Variants in NPAS3 observed in about 807,000 individuals in gnomAD.
NPAS3 encodes the protein neuronal PAS domain-containing protein 3.
A neutral mutation model predicts 73.1 loss-of-function variants in NPAS3; 14 were observed. The observed-to-expected ratio is 0.19, with a 90% confidence interval of 0.13 to 0.30. The LOEUF (loss-of-function observed/expected upper bound fraction) is 0.30, where lower values mean the gene tolerates loss of function less well. Among genes scored for constraint, NPAS3 ranks in the 10% least tolerant of loss-of-function variants. NPAS3 has a pLI of 1.00. For missense variants in NPAS3, 1,096 were observed against 1,250.0 expected (o/e 0.88, Z 1.86); for synonymous variants, 620 against 541.5 (o/e 1.14, Z -2.01).
At chr14:33,065,761 G>A (rs2041256272) in intron 2 of NPAS3, among the ~76,000 whole-genome samples, 1 of 151,828 alleles carries the variant, frequency 6.6e-6, no homozygotes, top group Non-Finnish European at 1.5e-5. Context: ...TCTCTTACTA[G>A]CAATTCCCAT....
chr14:33,452,156 G>C (rs762365670), intron 4 of NPAS3, among the ~76,000 whole-genome samples: 1 of 152,160 alleles, frequency 6.6e-6, no homozygotes, highest in Non-Finnish European at 1.5e-5. Context: ...TTGTGAACAA[G>C]TGCATTCAGG....
At chr14:33,220,230 A>G (rs1462275512) in intron 3 of NPAS3, among the ~76,000 whole-genome samples, 1 of 152,120 alleles carries the variant, frequency 6.6e-6, no homozygotes, top group East Asian at 1.9e-4. Flanking sequence ...TCCTCAGCAG[A>G]CTGAGGAACA....
intron 3 of NPAS3, among the ~76,000 whole-genome samples, chr14:33,356,514 G>A (rs911805694): frequency 2.0e-5 from 3 of 152,206 alleles, no homozygotes; most frequent in Non-Finnish European, 4.4e-5. Flanking sequence ...CAGAATACAA[G>A]TATCTGACTT....
chr14:33,262,958 G>C (rs982877038), intron 3 of NPAS3, among the ~76,000 whole-genome samples: 1 of 151,958 alleles, frequency 6.6e-6, no homozygotes, highest in Non-Finnish European at 1.5e-5. Context: ...TTGCCCACTT[G>C]TTGATGGGGT....
chr14:33,453,143 C>G (rs1185142283), intron 4 of NPAS3, among the ~76,000 whole-genome samples: 1 of 152,174 alleles, frequency 6.6e-6, no homozygotes. Flanking sequence ...GTGCCGGCCT[C>G]ACCAAGCCCC....
At chr14:33,244,244 C>A (rs1051866522) in intron 3 of NPAS3, among the ~76,000 whole-genome samples, 1 of 151,844 alleles carries the variant, frequency 6.6e-6, no homozygotes, top group South Asian at 2.1e-4. Context: ...TACATGGAGA[C>A]TTATATCTTC....
At chr14:33,681,624 T>G (rs893621328) in intron 6 of NPAS3, among the ~76,000 whole-genome samples, 1 of 152,224 alleles carries the variant, frequency 6.6e-6, no homozygotes, top group Non-Finnish European at 1.5e-5. Context: ...ACATATAGAG[T>G]AGCAACTTTC....
chr14:33,785,486 A>G (rs185062198), intron 9 of NPAS3, among the ~76,000 whole-genome samples: 1 of 152,066 alleles, frequency 6.6e-6, no homozygotes, highest in African/African-American at 2.4e-5. Flanking sequence ...ATTTTCACCT[A>G]AATCAGTTAA....
chr14:33,501,778 C>T (rs111380893), intron 4 of NPAS3, among the ~76,000 whole-genome samples: 1 of 151,832 alleles, frequency 6.6e-6, no homozygotes, highest in Non-Finnish European at 1.5e-5. Flanking sequence ...CTAAGACCTC[C>T]TTTAAGAGAT....
At chr14:33,110,793 C>T (rs921479074) in intron 2 of NPAS3, among the ~76,000 whole-genome samples, 7 of 152,166 alleles carry the variant, frequency 4.6e-5, no homozygotes, top group Non-Finnish European at 1.5e-5. Context: ...ACGGGAACCA[C>T]AACAGCTAGT....
At chr14:33,774,665 G>C in intron 8 of NPAS3, 135 bp downstream of exon 8, 1 of 660,770 alleles carries the variant, frequency 1.5e-6, no homozygotes, top group Non-Finnish European at 2.6e-6. Context: ...TGGCCACTTG[G>C]ACTGACACCA....
At chr14:33,373,683 A>G (rs1183671373) in intron 4 of NPAS3, among the ~76,000 whole-genome samples, 1 of 152,102 alleles carries the variant, frequency 6.6e-6, no homozygotes, top group Non-Finnish European at 1.5e-5. Flanking sequence ...CCATGTGTCA[A>G]TTTTTGCTTG....
chr14:33,776,521 TAAAAAAAAAAAAAAAAAAAAAAAAAAA>T (rs552348267), intron 8 of NPAS3, among the ~76,000 whole-genome samples: 1,034 of 32,096 alleles, frequency 0.032, 52 homozygotes, highest in African/African-American at 0.1. Context: ...TTCTTCCTCT[TAAAAAAAAAAAAAAAAAAAAAAAAAAA>T]AAAAAAAAAA....
chr14:33,024,096 A>G (rs1183953526), intron 1 of NPAS3, among the ~76,000 whole-genome samples: 1 of 151,708 alleles, frequency 6.6e-6, no homozygotes, highest in Non-Finnish European at 1.5e-5. Context: ...TAATATATGT[A>G]TATGTGTGTG....
chr14:33,789,127 C>T (rs1433458044), intron 9 of NPAS3, among the ~76,000 whole-genome samples: 1 of 152,166 alleles, frequency 6.6e-6, no homozygotes, highest in Admixed American at 6.5e-5. Flanking sequence ...TTGACTTCAA[C>T]AGCCAAAGAC....
At chr14:33,363,013 G>A (rs2045676492) in intron 3 of NPAS3, among the ~76,000 whole-genome samples, 1 of 152,156 alleles carries the variant, frequency 6.6e-6, no homozygotes, top group Admixed American at 6.5e-5. Flanking sequence ...GGTTATGAAG[G>A]GAAAGAGCAG....
chr14:33,606,876 TC>T (rs2057585886), intron 5 of NPAS3, among the ~76,000 whole-genome samples: 2 of 152,012 alleles, frequency 1.3e-5, no homozygotes, highest in African/African-American at 4.8e-5. Context: ...CAAAGAACTC[TC>T]AAAACTCAGT....
At chr14:32,989,605 ACTGCACTCCAGC>A (rs1016270824) in intron 1 of NPAS3, among the ~76,000 whole-genome samples, 82 of 152,282 alleles carry the variant, frequency 5.4e-4, no homozygotes, top group Non-Finnish European at 7.5e-4. Context: ...AGAGCCCGCC[ACTGCACTCCAGC>A]CTGGGCGACA....
chr14:33,351,955 T>C (rs1027193801), intron 3 of NPAS3, among the ~76,000 whole-genome samples: 8 of 151,964 alleles, frequency 5.3e-5, no homozygotes, highest in African/African-American at 1.7e-4. Context: ...TGGATGACAG[T>C]TTTTGGGTGC....
Sources: allele counts gnomAD v4.1 joint callset (sites outside exome capture counted in the v4.1 genomes callset), GRCh38; gene constraint gnomAD v4.1.1; transcripts MANE v1.5; gene names NCBI Gene and HGNC (gene_info 2026-07-23, HGNC 2026-07-21).